The following OSBPL10 variants were observed in gnomAD, a reference collection of about 807,000 sequenced individuals.
OSBPL10 encodes the protein oxysterol binding protein like 10.
A neutral mutation model predicts 81.7 loss-of-function variants in OSBPL10; 49 were observed. The observed-to-expected ratio is 0.60, with a 90% CI of 0.48 to 0.76. The LOEUF (loss-of-function observed/expected upper bound fraction) is 0.76. Among genes scored for constraint, OSBPL10 ranks in the 30% least tolerant of loss-of-function variants. The pLI is 0.00. For synonymous variants in OSBPL10, 419 were observed against 383.6 expected (o/e 1.09, Z -1.08); for missense variants, 923 against 987.8 (o/e 0.93, Z 0.88).
At chr3:31,822,076 CAT>C (rs996254871) in intron 4 of OSBPL10, 25 of 152,308 alleles carry the variant, frequency 1.6e-4, no homozygotes, top group Non-Finnish European at 3.1e-4. Flanking sequence ...CATGAAGAAA[CAT>C]ATAAATTCAC....
chr3:31,760,582 A>T (rs1198888447), intron 4 of OSBPL10, among the ~76,000 whole-genome samples: 1 of 152,198 alleles, frequency 6.6e-6, no homozygotes, highest in African/African-American at 2.4e-5. Context: ...TGTTCAATAT[A>T]GATGCAATCA....
At chr3:31,711,794 TAAATATACTAAAATCCACC>T (rs1454631883) in intron 6 of OSBPL10, among the ~76,000 whole-genome samples, 3 of 152,218 alleles carry the variant, frequency 2.0e-5, no homozygotes, top group Non-Finnish European at 4.4e-5. Context: ...CATACACCTG[TAAATATACTAAAATCCACC>T]AAATGGTTGG....
At chr3:31,915,493 G>A (rs566311053) in intron 1 of OSBPL10, among the ~76,000 whole-genome samples, 5 of 152,224 alleles carry the variant, frequency 3.3e-5, no homozygotes, top group South Asian at 2.1e-4. Context: ...TATCCCAAGC[G>A]AATTAATGCA....
intron 3 of OSBPL10, among the ~76,000 whole-genome samples, chr3:31,868,161 T>C (rs1701229963): frequency 6.6e-6 from 1 of 152,138 alleles, no homozygotes; most frequent in Admixed American, 6.5e-5. Flanking sequence ...ACCCAAATGG[T>C]AGCATCAGAT....
At chr3:31,669,691 C>G (rs1233098036) in intron 9 of OSBPL10, among the ~76,000 whole-genome samples, 1 of 152,212 alleles carries the variant, frequency 6.6e-6, no homozygotes, top group Non-Finnish European at 1.5e-5. Context: ...AGACTCCCAG[C>G]TCCCTCTCCA....
intron 6 of OSBPL10, among the ~76,000 whole-genome samples, chr3:31,708,057 C>T (rs1210457841): frequency 6.6e-6 from 1 of 152,128 alleles, no homozygotes; most frequent in African/African-American, 2.4e-5. Context: ...AAGTGCCCAA[C>T]AACCAATTAC....
intron 4 of OSBPL10, among the ~76,000 whole-genome samples, chr3:31,754,821 A>T (rs1697839378): frequency 6.6e-6 from 1 of 152,172 alleles, no homozygotes. Context: ...GGTGTCAGAT[A>T]AGATCTTTTC....
intron 2 of OSBPL10, among the ~76,000 whole-genome samples, chr3:32,045,426 A>G (rs886540465): frequency 7.2e-5 from 11 of 152,250 alleles, no homozygotes; most frequent in Admixed American, 6.5e-4. Flanking sequence ...TCAGTTTACA[A>G]AAAGACAGCC....
chr3:31,747,227 A>C (rs1240421090), intron 5 of OSBPL10, among the ~76,000 whole-genome samples: 1 of 151,854 alleles, frequency 6.6e-6, no homozygotes, highest in Non-Finnish European at 1.5e-5. Context: ...CTGAGGCGGG[A>C]GAATCTCTTG....
chr3:32,077,089 G>A (rs1699882380), intron 1 of OSBPL10, among the ~76,000 whole-genome samples: 1 of 152,140 alleles, frequency 6.6e-6, no homozygotes, highest in Admixed American at 6.5e-5. Flanking sequence ...GGCAAGAAAG[G>A]GGTTTGTTTT....
At chr3:31,976,868 G>A (rs1280502171) in intron 1 of OSBPL10, among the ~76,000 whole-genome samples, 1 of 152,128 alleles carries the variant, frequency 6.6e-6, no homozygotes, top group Non-Finnish European at 1.5e-5. Flanking sequence ...CGTTCGCAGT[G>A]TCTTCTTTTC....
At chr3:31,718,090 T>C (rs1696510664) in intron 6 of OSBPL10, 1 of 152,172 alleles carries the variant, frequency 6.6e-6, no homozygotes, top group Non-Finnish European at 1.5e-5. Flanking sequence ...TTTTTGTTTG[T>C]ATCACTCTGT....
At chr3:31,799,055 T>C (rs1403242491) in intron 4 of OSBPL10, among the ~76,000 whole-genome samples, 8 of 152,092 alleles carry the variant, frequency 5.3e-5, no homozygotes, top group Non-Finnish European at 1.0e-4. Context: ...AGTCCATGGG[T>C]TAGTACAGGT....
intron 4 of OSBPL10, among the ~76,000 whole-genome samples, chr3:31,803,076 TC>T (rs1191175415): frequency 6.7e-6 from 1 of 148,352 alleles, no homozygotes; most frequent in East Asian, 2.1e-4. Flanking sequence ...TCAGTGAGAA[TC>T]CCCTGAATAA....
chr3:31,720,881 C>CAAAAAAAAA lies in OSBPL10; in HGVS notation c.1095+12367_1095+12375dup, dbSNP rs61492992. On this transcript the variant is annotated intron_variant, in intron 6 of 11. Coordinates refer to ENST00000396556, the MANE Select transcript of OSBPL10 (RefSeq NM_017784.5). ...TGGGCAACAGAGCGAGACTCTGTCT[C>CAAAAAAAAA]AAAAAAAAAAAAAAAAAAAAAAAGG... 1.7e-3 allele frequency among the ~76,000 whole-genome samples: 111 copies of CAAAAAAAAA among 66,310 alleles called. 3 individuals are homozygous for CAAAAAAAAA. Among genetic ancestry groups the CAAAAAAAAA allele is most frequent in the African/African-American group, 6.2e-3 (101 of 16,192 alleles). The allele number at this position is 66,310 out of a possible 152,430, so 43.5% of individuals were successfully genotyped here. A position where few individuals can be genotyped will look rare whatever the true frequency, so the allele number is the denominator to read the frequency against.
chr3:31,731,551 C>T (rs534054381), intron 6 of OSBPL10, among the ~76,000 whole-genome samples: 40 of 150,000 alleles, frequency 2.7e-4, no homozygotes, highest in African/African-American at 7.9e-4. Context: ...TGCAATGGTG[C>T]GATCTTGGCT....
At chr3:31,825,765 C>T (rs766890212) in intron 4 of OSBPL10, among the ~76,000 whole-genome samples, 2 of 152,132 alleles carry the variant, frequency 1.3e-5, no homozygotes, top group Admixed American at 6.5e-5. Context: ...TTTAAAATAG[C>T]AATACTATGT....
At chr3:31,676,874 T>G (rs540924277) in intron 8 of OSBPL10, among the ~76,000 whole-genome samples, 1 of 152,110 alleles carries the variant, frequency 6.6e-6, no homozygotes, top group South Asian at 2.1e-4. Flanking sequence ...TTAGGTTGAC[T>G]GAACAGTGTC....
At chr3:31,663,546 T>C in intron 11 of OSBPL10, 1 of 1,002,784 alleles carries the variant, frequency 1.0e-6, no homozygotes, top group Non-Finnish European at 1.2e-6. Context: ...AGTGTCACAT[T>C]TGCAGGTGAC....
Sources: allele counts gnomAD v4.1 joint callset (sites outside exome capture counted in the v4.1 genomes callset), GRCh38; gene constraint gnomAD v4.1.1; transcripts MANE v1.5; gene names NCBI Gene and HGNC (gene_info 2026-07-23, HGNC 2026-07-21).